Variants in EMX1 observed in about 807,000 individuals in gnomAD.
The protein encoded by EMX1 is homeobox protein EMX1.
A neutral mutation model predicts 20.1 loss-of-function variants in EMX1; 10 were observed. The observed-to-expected ratio is 0.50, with a 90% CI of 0.31 to 0.84. The LOEUF is 0.84. Among genes scored for constraint, EMX1 ranks in the 40% least tolerant of loss-of-function variants. The pLI is 0.05. For missense variants in EMX1, 424 were observed against 431.9 expected (o/e 0.98, Z 0.16); for synonymous variants, 250 against 200.4 (o/e 1.25, Z -2.09).
intron 2 of EMX1, among the ~76,000 whole-genome samples, chr2:72,929,583 G>A (rs1248464831): frequency 6.6e-6 from 1 of 152,180 alleles, no homozygotes; most frequent in Non-Finnish European, 1.5e-5. Context: ...TCCATTCTGG[G>A]ATATTTGAAA....
At chr2:72,927,719 A>C (rs1671227561) in intron 2 of EMX1, among the ~76,000 whole-genome samples, 1 of 152,230 alleles carries the variant, frequency 6.6e-6, no homozygotes, top group African/African-American at 2.4e-5. Context: ...TGAGCATCTT[A>C]GCTCTGGGAG....
chr2:72,932,563 A>G (rs1671302071), intron 2 of EMX1, among the ~76,000 whole-genome samples: 1 of 152,216 alleles, frequency 6.6e-6, no homozygotes, highest in Non-Finnish European at 1.5e-5. Context: ...CACAAGCACT[A>G]AGTCCAGTCC....
Position 72,924,337 on chromosome 2 carries a change from T to C in EMX1, c.549T>C (p.Leu183=). The change falls in exon 2 of 3, where the codon CTT becomes CTC. Residue 183 remains leucine, a synonymous_variant. Transcript: ENST00000258106. ...QASDVPQDGL[L]LHGPFARKPK... Reference sequence around the variant, plus strand: ...GCGACGTGCCCCAGGACGGGCTGCTTCTGCACGGCCCCTTCGCACGCAAGC... The same window carrying C: ...GCGACGTGCCCCAGGACGGGCTGCTCCTGCACGGCCCCTTCGCACGCAAGC... 1 of 1,578,424 alleles carries C rather than the reference T, an allele frequency of 6.3e-7. No homozygotes were observed. The highest frequency in any genetic ancestry group is 8.6e-7 in the Non-Finnish European group (1 of 1,169,496).
intron 1 of EMX1, 49 bp downstream of exon 1, chr2:72,918,421 T>G (rs1024017913): frequency 1.5e-6 from 2 of 1,351,342 alleles, no homozygotes; most frequent in Non-Finnish European, 1.9e-6. Context: ...GCGCCCGTGC[T>G]GCGGCGATGC....
At chr2:72,922,567 G>A (rs1311222301) in intron 1 of EMX1, among the ~76,000 whole-genome samples, 1 of 152,198 alleles carries the variant, frequency 6.6e-6, no homozygotes, top group East Asian at 1.9e-4. Context: ...AGTTGAAATT[G>A]ATAAGGTGAC....
upstream of EMX1, chr2:72,916,957 G>A (rs753690635): frequency 1.4e-5 from 10 of 716,866 alleles, no homozygotes; most frequent in South Asian, 1.2e-4. Context: ...CCCTTGTGAA[G>A]GGAGTGAGCG....
In EMX1 at chr2:72,924,466, C is replaced by A; in HGVS notation, c.678C>A (p.Ala226=). The part of the protein sequence containing the change: ...YVVGAERKQL[A]GSLSLSETQV... The stretch of plus-strand genomic sequence containing the variant: ...TGGGCGCCGAGCGGAAGCAGCTGGC[C>A]GGCAGTCTCAGCCTCTCCGAGACGC... Residue 226 remains alanine, a synonymous_variant, in exon 2 of 3, where the codon GCC becomes GCA. Transcript: ENST00000258106. 6.3e-7 allele frequency: 1 copy of A among 1,594,906 alleles called. No individual in the cohort carries two copies. The highest frequency in any genetic ancestry group is 1.7e-5 in the Admixed American group (1 of 59,210).
At position 72,918,114 on chromosome 2, in the gene EMX1, C is replaced by G; in HGVS notation, c.262C>G (p.Pro88Ala). ...LRPTALNYPHPSAAEAAFVSG... is the reference protein window; with the variant it reads ...LRPTALNYPHASAAEAAFVSG... ...GCCCACGGCGCTCAACTACCCTCAC[C>G]CCAGCGCGGCCGAGGCGGCCTTCGT... Residue 88 changes from proline (P) to alanine (A), a missense_variant, in exon 1 of 3, where the codon CCC (proline) becomes GCC (alanine). By Grantham distance (27) the Pro-to-Ala change is conservative. Around this residue, in one of 2 missense-constraint regions of EMX1, gnomAD observed 333 missense variants for 296.6 expected, o/e 1.12. Transcript: ENST00000258106. 3.4e-6 allele frequency: 5 copies of G among 1,477,678 alleles called. No homozygotes were observed. The highest frequency in any genetic ancestry group is 2.6e-5 in the South Asian group (2 of 76,892). 91.5% of individuals were successfully genotyped at this position (1,477,678 alleles called of 1,614,324 possible). A position where few individuals can be genotyped will look rare whatever the true frequency, so the allele number is the denominator to read the frequency against.
At chr2:72,933,211 T>C (rs997037209) in intron 2 of EMX1, 2 of 152,446 alleles carry the variant, frequency 1.3e-5, no homozygotes, top group African/African-American at 4.8e-5. Context: ...AGTCTGGCTG[T>C]CCAGGCACTG....
At chr2:72,928,072 C>G (rs1245748891) in intron 2 of EMX1, among the ~76,000 whole-genome samples, 1 of 152,196 alleles carries the variant, frequency 6.6e-6, no homozygotes, top group Non-Finnish European at 1.5e-5. Context: ...TAGCCGGGTG[C>G]TAGGAGGTGG....
chr2:72,916,479 C>A, upstream of EMX1: 11 of 588,350 alleles, frequency 1.9e-5, 1 homozygote, highest in South Asian at 2.2e-4. Context: ...CGCCTTTCTG[C>A]GGCCTCGAAG....
At chr2:72,923,992 A>T (rs1671147174) in intron 1 of EMX1, 1 of 496,600 alleles carries the variant, frequency 2.0e-6, no homozygotes, top group Non-Finnish European at 3.6e-6. Context: ...TGCCCCAGGC[A>T]TTGTGAATGT....
chr2:72,925,080 G>A (rs1008155906), intron 2 of EMX1, among the ~76,000 whole-genome samples: 2 of 152,216 alleles, frequency 1.3e-5, no homozygotes, highest in African/African-American at 4.8e-5. Flanking sequence ...GGGGCCCGAG[G>A]GTTGCTCTGA....
intron 1 of EMX1, among the ~76,000 whole-genome samples, chr2:72,922,502 C>T (rs1288269279): frequency 6.6e-6 from 1 of 152,246 alleles, no homozygotes; most frequent in East Asian, 1.9e-4. Flanking sequence ...GGGTGTCCCT[C>T]ACCCATCTCC....
chr2:72,925,284 C>T (rs1328774831), intron 2 of EMX1, among the ~76,000 whole-genome samples: 1 of 152,152 alleles, frequency 6.6e-6, no homozygotes, highest in Non-Finnish European at 1.5e-5. Flanking sequence ...TTAACAATTA[C>T]CGTGTAGTGT....
At chr2:72,921,298 C>G (rs778580657) in intron 1 of EMX1, among the ~76,000 whole-genome samples, 11 of 152,154 alleles carry the variant, frequency 7.2e-5, no homozygotes, top group Non-Finnish European at 1.6e-4. Context: ...GACGGCTATA[C>G]CAGTCCCTTT....
chr2:72,921,068 C>CGGCGGCGGCCTCTCCAGCGAA (rs1351210767), intron 1 of EMX1, among the ~76,000 whole-genome samples: 1 of 145,978 alleles, frequency 6.9e-6, no homozygotes, highest in African/African-American at 2.8e-5. Context: ...AGCCCCTGGC[C>CGGCGGCGGCCTCTCCAGCGAA]GGCGGCGGCC....
At chr2:72,931,136 A>T (rs557419443) in intron 2 of EMX1, among the ~76,000 whole-genome samples, 2 of 151,992 alleles carry the variant, frequency 1.3e-5, no homozygotes, top group Non-Finnish European at 1.5e-5. Flanking sequence ...TGCCTACTTG[A>T]CCCCAGTATT....
intron 1 of EMX1, among the ~76,000 whole-genome samples, chr2:72,922,461 C>G (rs145439172): frequency 6.6e-6 from 1 of 152,320 alleles, no homozygotes; most frequent in East Asian, 1.9e-4. Flanking sequence ...ACCTGAGGGC[C>G]CTAGATCTGC....
Sources: gnomAD v4.1 joint callset for allele counts (sites outside exome capture counted in the v4.1 genomes callset) on GRCh38, gnomAD v4.1.1 for gene constraint, gnomAD v4.1.1 regional missense constraint, MANE v1.5 for transcripts, NCBI Gene and HGNC (gene_info 2026-07-23, HGNC 2026-07-21) for gene names.